COL23A1: variants seen among roughly 807,000 people sequenced by gnomAD.
COL23A1 encodes the protein collagen type XXIII alpha 1 chain, also known as collagen alpha-1(XXIII) chain.
Under a neutral mutation model 99.3 loss-of-function variants are expected in COL23A1, and 97 were observed. The observed-to-expected ratio is 0.98, with a 90% CI of 0.83 to 1.16. COL23A1 has a LOEUF of 1.16. Among genes scored for constraint, COL23A1 ranks in the 50% most tolerant of loss-of-function variants. COL23A1 has a pLI of 0.00. For missense variants in COL23A1, 762 were observed against 757.4 expected, an observed-to-expected ratio of 1.01 and a Z score of -0.07; for synonymous variants, 320 against 308.2, an observed-to-expected ratio of 1.04 and a Z score of -0.40.
intron 2 of COL23A1, among the ~76,000 whole-genome samples, chr5:178,413,968 T>C (rs996744144): frequency 1.3e-5 from 2 of 152,212 alleles, no homozygotes. Context: ...CTTGCATTTT[T>C]GACAGCTTCT....
intron 2 of COL23A1, among the ~76,000 whole-genome samples, chr5:178,445,708 C>T (rs1767119609): frequency 6.6e-6 from 1 of 151,864 alleles, no homozygotes; most frequent in South Asian, 2.1e-4. Flanking sequence ...GAAAATTAAA[C>T]CTTAGAAGCA....
Position 178,456,255 on chromosome 5 carries a change from C to A in COL23A1, c.361+104427G>T, listed in dbSNP as rs192172245. 7.2e-5 allele frequency among the ~76,000 whole-genome samples: 11 copies of A among 152,222 alleles called. No individual in the cohort carries two copies. The East Asian group carries it at 2.1e-3, about 29-fold the overall frequency. On this transcript the variant is annotated intron_variant, in intron 2 of 28. Transcript: ENST00000390654. ...TATACTTCCCTAGGCTTCTATAATT[C>A]CATGGCAAACATGGATTACTTTTGT...
chr5:178,267,869 A>G (rs1028111770), intron 7 of COL23A1, among the ~76,000 whole-genome samples: 1 of 152,174 alleles, frequency 6.6e-6, no homozygotes, highest in African/African-American at 2.4e-5. Context: ...TGAGACCATG[A>G]CCTCATGCAA....
Position 178,310,322 on chromosome 5 carries a change from C to T in COL23A1, c.362-3403G>A, listed in dbSNP as rs1468740256. Among the ~76,000 whole-genome samples, 3 of 152,156 alleles carry T rather than the reference C, an allele frequency of 2.0e-5. No individual in the cohort carries two copies. The highest frequency in any genetic ancestry group is 2.9e-5 in the Non-Finnish European group (2 of 68,026). On this transcript the variant is annotated intron_variant, in intron 2 of 28. Coordinates refer to ENST00000390654, the MANE Select transcript of COL23A1 (RefSeq NM_173465.4). The surrounding 1 kb of genome is among the most constrained non-coding windows in gnomAD (Gnocchi z 4.3). ...CCTGAGTCTCTGGACTATCAGGTGC[C>T]GAGAGCCCACCATGGGCAGTGACCT...
rs541883646 is a variant in COL23A1 at position 178,534,279 on chromosome 5, G to A, written c.361+26403C>T. Among the ~76,000 whole-genome samples, 9 of 152,182 alleles carry A rather than the reference G, an allele frequency of 5.9e-5. No individual in the cohort carries two copies. The South Asian group carries it at 1.5e-3, about 25-fold the overall frequency. On this transcript the variant is annotated intron_variant, in intron 2 of 28. Transcript: ENST00000390654. ...TGGAAGGAAAAACAGGCCTTTCTGG[G>A]GTTCATTTCCTAAGGGCAATAATGC...
intron 27 of COL23A1, 45 bp from the exon 28 acceptor site, chr5:178,239,224 G>C (rs747081147): frequency 8.1e-6 from 13 of 1,607,240 alleles, no homozygotes; most frequent in South Asian, 1.1e-5. Flanking sequence ...GGCCTGGGGA[G>C]CTCCTCTACA....
In COL23A1 at chr5:178,307,025, G is replaced by A. The variant is rs761596026; in HGVS notation, c.362-106C>T. 5 of 778,092 alleles carry A rather than the reference G, an allele frequency of 6.4e-6. No individual in the cohort carries two copies. Among genetic ancestry groups the A allele is most frequent in the Non-Finnish European group, 5.8e-6 (3 of 521,376 alleles). 48.2% of individuals were successfully genotyped at this position (778,092 alleles called of 1,614,324 possible). A position where few individuals can be genotyped will look rare whatever the true frequency, so the allele number is the denominator to read the frequency against. ...CCTGTCCGCTCGCAACAGCTTTCTGGGAGTGGCCTGCCCGAGGGGGTCTGC... is the reference window on the plus strand; with the variant it reads ...CCTGTCCGCTCGCAACAGCTTTCTGAGAGTGGCCTGCCCGAGGGGGTCTGC... On this transcript the variant is annotated intron_variant, in intron 2 of 28. Coordinates refer to ENST00000390654, the MANE Select transcript of COL23A1 (RefSeq NM_173465.4). This position sits in a 1 kb window ranked among gnomAD's most constrained non-coding sequence, Gnocchi z 4.2.
chr5:178,332,224 T>C (rs1760070274), intron 2 of COL23A1, among the ~76,000 whole-genome samples: 1 of 152,152 alleles, frequency 6.6e-6, no homozygotes, highest in South Asian at 2.1e-4. Flanking sequence ...CACACCTGGA[T>C]GCTTTCCACA....
At chr5:178,539,172 A>G (rs1424715452) in intron 2 of COL23A1, among the ~76,000 whole-genome samples, 2 of 152,212 alleles carry the variant, frequency 1.3e-5, no homozygotes, top group African/African-American at 2.4e-5. Context: ...AACTCTGTGT[A>G]TACTCTAAGA....
rs1201396585 is a variant in COL23A1, at chr5:178,434,864, A to T, written c.361+125818T>A. 6.6e-6 allele frequency among the ~76,000 whole-genome samples: 1 copy of T among 152,226 alleles called. No homozygotes were observed. The highest frequency in any genetic ancestry group is 2.4e-5 in the African/African-American group (1 of 41,462). On this transcript the variant is annotated intron_variant, in intron 2 of 28. Transcript: ENST00000390654. This position sits in a 1 kb window ranked among gnomAD's most constrained non-coding sequence, Gnocchi z 4.3. ...TGGTTTCAAAGCCTCTGCCCGCTGC[A>T]GGAAGGCAGGCATCCACTTCTGAAC...
intron 1 of COL23A1, among the ~76,000 whole-genome samples, chr5:178,584,207 G>A (rs1015289667): frequency 2.6e-5 from 4 of 151,614 alleles, no homozygotes; most frequent in African/African-American, 7.3e-5. Context: ...ACAGGGTTTC[G>A]CCATGTTGTC....
At chr5:178,317,767 G>C (rs1448303151) in intron 2 of COL23A1, among the ~76,000 whole-genome samples, 1 of 152,144 alleles carries the variant, frequency 6.6e-6, no homozygotes. Flanking sequence ...CCTGAGAATG[G>C]GCAATTTATA....
At chr5:178,506,301 AG>A (rs1318803987) in intron 2 of COL23A1, among the ~76,000 whole-genome samples, 1 of 152,192 alleles carries the variant, frequency 6.6e-6, no homozygotes, top group Non-Finnish European at 1.5e-5. Context: ...TTTAGGCCTC[AG>A]GCTTCCTGGG....
rs557236452 is a variant in COL23A1 at position 178,456,646 on chromosome 5, C to T, written c.361+104036G>A. Among the ~76,000 whole-genome samples, 13 of 152,186 alleles carry T rather than the reference C, an allele frequency of 8.5e-5. 1 individual carries two copies. The South Asian group carries it at 2.7e-3, about 32-fold the overall frequency. ...CCGGGAGGTGGAGGTTGCGGTGAGCCGAGATCGCACCATTGCACTCCAGCC... is the reference window on the plus strand; with the variant it reads ...CCGGGAGGTGGAGGTTGCGGTGAGCTGAGATCGCACCATTGCACTCCAGCC... On this transcript the variant is annotated intron_variant, in intron 2 of 28. Transcript: ENST00000390654.
At chr5:178,500,248 C>T (rs905946211) in intron 2 of COL23A1, among the ~76,000 whole-genome samples, 1 of 151,940 alleles carries the variant, frequency 6.6e-6, no homozygotes, top group African/African-American at 2.4e-5. Context: ...AAACTGTACA[C>T]TTTAAATGTT....
intron 2 of COL23A1, among the ~76,000 whole-genome samples, chr5:178,458,659 AAAACAAAC>A (rs371316905): frequency 0.25 from 37,551 of 151,334 alleles, 5,345 homozygotes; most frequent in Middle Eastern, 0.34. Flanking sequence ...CACAAGAAAC[AAAACAAAC>A]AAACAAACAA....
intron 1 of COL23A1, among the ~76,000 whole-genome samples, chr5:178,584,072 G>C (rs966003183): frequency 1.3e-5 from 2 of 152,168 alleles, no homozygotes; most frequent in African/African-American, 4.8e-5. Context: ...CTAGAGTACA[G>C]TGCCATGATC....
intron 5 of COL23A1, among the ~76,000 whole-genome samples, chr5:178,274,093 G>T (rs1425110786): frequency 6.6e-6 from 1 of 152,242 alleles, no homozygotes; most frequent in Non-Finnish European, 1.5e-5. Context: ...AGAAACACTG[G>T]GTTACACTCT....
At position 178,286,544 on chromosome 5, in the gene COL23A1, G is replaced by A. The variant is rs114792811; in HGVS notation, c.441+1780C>T. ...CAGCCCCGGGTTTGGCCTGGCTCGC[G>A]TTCTGGGTGCTCTAAGCCAAGGGGC... On this transcript the variant is annotated intron_variant, in intron 5 of 28. Transcript: ENST00000390654. Among the ~76,000 whole-genome samples the A allele has an allele frequency of 7.7e-3, 1,179 of 152,328 alleles. 15 individuals carry two copies. Among genetic ancestry groups the A allele is most frequent in the African/African-American group, 0.027 (1,126 of 41,566 alleles).
Sources: allele counts gnomAD v4.1 joint callset (sites outside exome capture counted in the v4.1 genomes callset), GRCh38; gene constraint gnomAD v4.1.1; non-coding constraint Gnocchi (gnomAD v3.1); transcripts MANE v1.5; gene names NCBI Gene and HGNC (gene_info 2026-07-23, HGNC 2026-07-21).